Variants in DGKG observed in about 807,000 individuals in gnomAD.
DGKG encodes diacylglycerol kinase gamma, also known as DAG kinase gamma.
A neutral mutation model predicts 105.3 loss-of-function variants in DGKG; 78 were observed. That is an observed-to-expected ratio of 0.74 (90% CI 0.62 to 0.89). The LOEUF is 0.89. Among genes scored for constraint, DGKG ranks in the 40% least tolerant of loss-of-function variants. DGKG has a pLI of 0.00. For synonymous variants in DGKG, 346 were observed against 367.1 expected (o/e 0.94, Z 0.66); for missense variants, 958 against 1,020.1 (o/e 0.94, Z 0.83).
intron 1 of DGKG, among the ~76,000 whole-genome samples, chr3:186,327,341 C>T (rs1343138842): frequency 6.6e-6 from 1 of 150,638 alleles, no homozygotes; most frequent in Non-Finnish European, 1.5e-5. Flanking sequence ...TTCCCCCTTT[C>T]CTCCTCCTTC....
At chr3:186,314,723 C>G (rs1724733188) in intron 2 of DGKG, among the ~76,000 whole-genome samples, 1 of 140,466 alleles carries the variant, frequency 7.1e-6, no homozygotes. Context: ...CGCTGCACTC[C>G]AGGCTAGGTG....
chr3:186,302,557 T>TAC (rs1246127568), intron 3 of DGKG, among the ~76,000 whole-genome samples: 2 of 29,164 alleles, frequency 6.9e-5, no homozygotes, highest in Admixed American at 3.7e-4. Context: ...TATATATATA[T>TAC]ACACATATGT....
At chr3:186,297,307 G>C (rs1723628781) in intron 5 of DGKG, 114 bp downstream of exon 5, 1 of 801,776 alleles carries the variant, frequency 1.2e-6, no homozygotes, top group Non-Finnish European at 2.2e-6. Flanking sequence ...GACCAGATCT[G>C]CATAAGATTG....
At chr3:186,322,800 T>C (rs1725140806) in intron 1 of DGKG, among the ~76,000 whole-genome samples, 2 of 152,206 alleles carry the variant, frequency 1.3e-5, no homozygotes, top group Admixed American at 1.3e-4. Context: ...CTCCCTTGTG[T>C]GTCCCAAACC....
chr3:186,288,890 A>G lies in DGKG; in HGVS notation c.374-10T>C, dbSNP rs182844835. ...TCAGCCATATTTGATTCTGCGATGA[A>G]CAAAAGGAAAACATCCAAGGACATT... On this transcript the variant is annotated splice_polypyrimidine_tract_variant and intron_variant, in intron 5 of 24. Transcript: ENST00000265022. The G allele has an allele frequency of 7.6e-4, 1,166 of 1,538,456 alleles. 10 individuals carry two copies. The African/African-American group carries it at 0.015, about 20-fold the overall frequency.
intron 21 of DGKG, among the ~76,000 whole-genome samples, chr3:186,192,884 C>A (rs1190014521): frequency 6.6e-6 from 1 of 152,218 alleles, no homozygotes; most frequent in Non-Finnish European, 1.5e-5. Context: ...AAGTACATCA[C>A]CAGCACAGTC....
At chr3:186,190,791 C>T (rs77534225) in intron 21 of DGKG, among the ~76,000 whole-genome samples, 3,844 of 152,284 alleles carry the variant, frequency 0.025, 107 homozygotes, top group African/African-American at 0.067. Context: ...CTTTTGTCAT[C>T]GCGTTCCCAT....
intron 1 of DGKG, among the ~76,000 whole-genome samples, chr3:186,326,224 T>C (rs957898965): frequency 6.6e-6 from 1 of 152,124 alleles, no homozygotes; most frequent in African/African-American, 2.4e-5. Context: ...AAGCTCTGTC[T>C]CTATTAAAAA....
At chr3:186,252,865 G>A (rs369581675) in intron 18 of DGKG, among the ~76,000 whole-genome samples, 2 of 152,128 alleles carry the variant, frequency 1.3e-5, no homozygotes, top group African/African-American at 2.4e-5. Flanking sequence ...TAGTAAACTC[G>A]GGGCTGAGGG....
chr3:186,271,737 C>T (rs1722326228), intron 11 of DGKG, among the ~76,000 whole-genome samples: 2 of 152,262 alleles, frequency 1.3e-5, no homozygotes, highest in South Asian at 4.1e-4. Flanking sequence ...GCATCCTCTG[C>T]CCCAGCTATG....
intron 20 of DGKG, among the ~76,000 whole-genome samples, chr3:186,240,364 G>C: frequency 6.6e-6 from 1 of 152,200 alleles, no homozygotes; most frequent in East Asian, 1.9e-4. Context: ...CAGGCTGTGA[G>C]TCCCCTACAT....
At chr3:186,274,387 T>A (rs1478224492) in intron 10 of DGKG, among the ~76,000 whole-genome samples, 3 of 152,038 alleles carry the variant, frequency 2.0e-5, no homozygotes, top group Admixed American at 6.5e-5. Flanking sequence ...TTTATTTTTT[T>A]ATTTTTATTT....
At position 186,320,695 on chromosome 3, in the gene DGKG, G is replaced by T; in HGVS notation, c.-236C>A. On this transcript the variant is annotated 5_prime_UTR_variant, in exon 2 of 25. Transcript: ENST00000265022. ...GTCTGTATTCAAGGTAAATTCAGAA[G>T]TCCTGGCTCTTCCTAGATAGAAGCA... 4.1e-6 allele frequency: 2 copies of T among 487,466 alleles called. No homozygotes were observed. Among genetic ancestry groups the T allele is most frequent in the Non-Finnish European group, 3.4e-6 (1 of 291,894 alleles). The allele number at this position is 487,466 out of a possible 1,614,324, so 30.2% of individuals were successfully genotyped here.
At chr3:186,305,589 C>T (rs1015144322) in intron 3 of DGKG, among the ~76,000 whole-genome samples, 3 of 152,050 alleles carry the variant, frequency 2.0e-5, no homozygotes, top group African/African-American at 7.3e-5. Context: ...TAACGGATTG[C>T]TCAGGATGTG....
At chr3:186,296,095 C>G (rs1174062793) in intron 5 of DGKG, among the ~76,000 whole-genome samples, 2 of 138,240 alleles carry the variant, frequency 1.4e-5, no homozygotes, top group South Asian at 4.8e-4. Context: ...GGGGACAGAG[C>G]AAGACCTTAT....
chr3:186,359,468 A>G (rs1727127131), intron 1 of DGKG, among the ~76,000 whole-genome samples: 1 of 152,204 alleles, frequency 6.6e-6, no homozygotes. Flanking sequence ...ACCAATAGCT[A>G]CAGGGGCTCA....
intron 22 of DGKG, among the ~76,000 whole-genome samples, chr3:186,183,346 T>C (rs972825901): frequency 1.3e-5 from 2 of 152,184 alleles, no homozygotes; most frequent in Non-Finnish European, 2.9e-5. Flanking sequence ...GCTCATGGGT[T>C]TCGGGTTAGG....
chr3:186,316,415 A>G (rs1724822582), intron 2 of DGKG, among the ~76,000 whole-genome samples: 1 of 152,208 alleles, frequency 6.6e-6, no homozygotes, highest in East Asian at 1.9e-4. Flanking sequence ...GCATATTTTG[A>G]TATCTATATT....
At chr3:186,314,552 C>G (rs549245186) in intron 2 of DGKG, among the ~76,000 whole-genome samples, 15 of 152,038 alleles carry the variant, frequency 9.9e-5, no homozygotes, top group African/African-American at 3.6e-4. Flanking sequence ...GTCAGGAGTT[C>G]GAGACCAGCC....
Sources: allele counts gnomAD v4.1 joint callset (sites outside exome capture counted in the v4.1 genomes callset), GRCh38; gene constraint gnomAD v4.1.1; transcripts MANE v1.5; gene names NCBI Gene and HGNC (gene_info 2026-07-23, HGNC 2026-07-21).